Variants in SPATS2L observed in about 807,000 individuals in gnomAD.
SPATS2L encodes the protein spermatogenesis associated serine rich 2 like, also known as SPATS2-like protein.
Under a neutral mutation model 59.6 loss-of-function variants are expected in SPATS2L, and 30 were observed. The ratio of observed to expected loss-of-function variants is 0.50; its 90% CI spans 0.38 to 0.68. SPATS2L has a LOEUF of 0.68. Ranked by LOEUF, SPATS2L falls within the 30% of genes least tolerant of loss-of-function variation. The pLI, the probability that SPATS2L is intolerant of heterozygous loss-of-function variation, is 0.00. For synonymous variants in SPATS2L, 252 were observed against 263.5 expected (o/e 0.96, Z 0.42); for missense variants, 615 against 700.0 (o/e 0.88, Z 1.37).
rs12470550 is a variant in SPATS2L, at chr2:200,474,834, C to A, written c.1281+1782C>A. Among the ~76,000 whole-genome samples the A allele has an allele frequency of 3.9e-5, 6 of 152,122 alleles. No individual in the cohort carries two copies. In the South Asian group the frequency reaches 1.2e-3, roughly 32 times the overall value. ...ACCCAGGCAAGAATGGCCCTTGGAC[C>A]GGGCCCTGTGTTTTCAAGTAACTTC... is the stretch of plus-strand genomic sequence containing the variant. On this transcript the variant is annotated intron_variant, in intron 12 of 12. Transcript: ENST00000409140.
chr2:200,373,216 T>C (rs924662230), intron 2 of SPATS2L: 2 of 145,136 alleles, frequency 1.4e-5, no homozygotes, highest in Admixed American at 7.1e-5. Flanking sequence ...TTATTAACAT[T>C]AGTGTCACTA....
Position 200,431,756 on chromosome 2 carries a change from A to G in SPATS2L, c.446-7366A>G, listed in dbSNP as rs573685073. Among the ~76,000 whole-genome samples the G allele has an allele frequency of 2.1e-3, 313 of 152,364 alleles. 1 individual carries two copies. Among genetic ancestry groups the G allele is most frequent in the Admixed American group, 4.4e-3 (68 of 15,300 alleles). ...TTCAGAAACTTTCAAATTTGAATAC[A>G]CACATGGCTGTACATACATAATGAA... On this transcript the variant is annotated intron_variant, in intron 6 of 12. Coordinates refer to ENST00000409140, the MANE Select transcript of SPATS2L (RefSeq NM_001100423.2).
At chr2:200,445,212 G>A (rs1410990900) in intron 8 of SPATS2L, among the ~76,000 whole-genome samples, 2 of 152,172 alleles carry the variant, frequency 1.3e-5, no homozygotes, top group Non-Finnish European at 2.9e-5. Context: ...TCGGGAGGCT[G>A]AGAGTGGGGA....
At chr2:200,356,736 A>G (rs987893188) in intron 2 of SPATS2L, among the ~76,000 whole-genome samples, 4 of 152,218 alleles carry the variant, frequency 2.6e-5, no homozygotes, top group Non-Finnish European at 4.4e-5. Context: ...GTATAACAGA[A>G]TACTCTAGAT....
intron 9 of SPATS2L, among the ~76,000 whole-genome samples, chr2:200,467,013 G>C (rs973281297): frequency 9.2e-5 from 14 of 152,196 alleles, no homozygotes; most frequent in Non-Finnish European, 4.4e-5. Flanking sequence ...AATTCCGTAA[G>C]TGAGGTCAGA....
chr2:200,411,197 T>G (rs1236111197), intron 3 of SPATS2L, among the ~76,000 whole-genome samples: 3 of 152,102 alleles, frequency 2.0e-5, no homozygotes, highest in Non-Finnish European at 4.4e-5. Context: ...CTTGTGCTGT[T>G]GTCTCATTAC....
At chr2:200,426,457 A>T (rs1008870287) in intron 6 of SPATS2L, among the ~76,000 whole-genome samples, 8 of 152,228 alleles carry the variant, frequency 5.3e-5, no homozygotes, top group Non-Finnish European at 1.0e-4. Flanking sequence ...GGTCAGGCAC[A>T]GTGGCTCATG....
At chr2:200,422,362 C>T (rs2083341439) in intron 6 of SPATS2L, among the ~76,000 whole-genome samples, 1 of 151,932 alleles carries the variant, frequency 6.6e-6, no homozygotes, top group Non-Finnish European at 1.5e-5. Context: ...CATGGCAAAA[C>T]CCCATCTCTA....
At position 200,364,541 on chromosome 2, in the gene SPATS2L, G is replaced by A. The variant is rs575021299; in HGVS notation, c.-22-24682G>A. 1.2e-4 allele frequency among the ~76,000 whole-genome samples: 19 copies of A among 152,198 alleles called. 2 individuals are homozygous for A. In the South Asian group the frequency reaches 2.9e-3, roughly 23 times the overall value. ...CTTATAGTGGCCCAGTCACTTTAAGGGGACTTTGAAGTCTCTCCTAGGGTT... is the reference window on the plus strand; with the variant it reads ...CTTATAGTGGCCCAGTCACTTTAAGAGGACTTTGAAGTCTCTCCTAGGGTT... On this transcript the variant is annotated intron_variant, in intron 2 of 12. Transcript: ENST00000409140.
At chr2:200,354,172 T>C (rs571875849) in intron 2 of SPATS2L, among the ~76,000 whole-genome samples, 4 of 152,142 alleles carry the variant, frequency 2.6e-5, no homozygotes, top group African/African-American at 9.7e-5. Flanking sequence ...GCCAAGACCA[T>C]GGAATTTAGT....
chr2:200,351,381 C>T (rs750156433), intron 2 of SPATS2L: 8 of 442,804 alleles, frequency 1.8e-5, no homozygotes, highest in Middle Eastern at 6.8e-4. Context: ...AATATATTTG[C>T]AGTAAAAACA....
intron 6 of SPATS2L, among the ~76,000 whole-genome samples, chr2:200,422,279 G>A (rs747331035): frequency 2.6e-5 from 4 of 152,196 alleles, no homozygotes; most frequent in Non-Finnish European, 5.9e-5. Flanking sequence ...ACTCACACTT[G>A]TCATCCCAGC....
intron 6 of SPATS2L, among the ~76,000 whole-genome samples, chr2:200,426,373 A>G (rs115800520): frequency 0.032 from 4,924 of 152,218 alleles, 177 homozygotes; most frequent in East Asian, 0.16. Context: ...TTAAAGATCT[A>G]ATACTCTATT....
intron 3 of SPATS2L, among the ~76,000 whole-genome samples, chr2:200,392,047 G>A (rs1373551888): frequency 6.6e-6 from 1 of 152,026 alleles, no homozygotes; most frequent in East Asian, 1.9e-4. Flanking sequence ...CTGTAACTTT[G>A]TGATACTTAT....
chr2:200,379,701 G>A (rs376081827), intron 2 of SPATS2L, among the ~76,000 whole-genome samples: 4 of 152,078 alleles, frequency 2.6e-5, no homozygotes, highest in Non-Finnish European at 5.9e-5. Context: ...GGGGGGATGG[G>A]GGAGGAAAGC....
chr2:200,332,434 A>T (rs2079976796), intron 2 of SPATS2L, among the ~76,000 whole-genome samples: 1 of 152,060 alleles, frequency 6.6e-6, no homozygotes, highest in Non-Finnish European at 1.5e-5. Context: ...TTATAGAGAT[A>T]GGGGGTCTCA....
chr2:200,366,108 T>G (rs895543866), intron 2 of SPATS2L, among the ~76,000 whole-genome samples: 14 of 152,220 alleles, frequency 9.2e-5, no homozygotes, highest in African/African-American at 2.7e-4. Context: ...TAAGGAGTTC[T>G]TTTCAAACAT....
At chr2:200,406,642 T>C (rs1249932516) in intron 3 of SPATS2L, among the ~76,000 whole-genome samples, 1 of 152,206 alleles carries the variant, frequency 6.6e-6, no homozygotes, top group Non-Finnish European at 1.5e-5. Flanking sequence ...CTGACCACTG[T>C]AATTCATTGT....
At chr2:200,423,588 G>A (rs1212295178) in intron 6 of SPATS2L, among the ~76,000 whole-genome samples, 1 of 152,032 alleles carries the variant, frequency 6.6e-6, no homozygotes, top group Admixed American at 6.6e-5. Flanking sequence ...CTAAAACCAT[G>A]GGTTACCTAA....
Sources: allele counts gnomAD v4.1 joint callset (sites outside exome capture counted in the v4.1 genomes callset), GRCh38; gene constraint gnomAD v4.1.1; transcripts MANE v1.5; gene names NCBI Gene and HGNC (gene_info 2026-07-23, HGNC 2026-07-21).